The following ASCC3 variants were observed in gnomAD, a reference collection of about 807,000 sequenced individuals.
The protein encoded by ASCC3 is activating signal cointegrator 1 complex subunit 3, also known as ASC-1 complex subunit P200.
A neutral mutation model predicts 256.3 loss-of-function variants in ASCC3; 158 were observed. The observed-to-expected ratio is 0.62, with a 90% CI of 0.54 to 0.70. The LOEUF is 0.70. ASCC3 is among the 30% of genes least tolerant of loss of function. The pLI is 0.00. For missense variants in ASCC3, 2,259 were observed against 2,626.0 expected, an observed-to-expected ratio of 0.86 and a Z score of 3.05; for synonymous variants, 948 against 883.4, an observed-to-expected ratio of 1.07 and a Z score of -1.30.
intron 4 of ASCC3, among the ~76,000 whole-genome samples, chr6:100,829,823 TAATAA>T (rs1407893176): frequency 6.6e-6 from 1 of 152,064 alleles, no homozygotes; most frequent in African/African-American, 2.4e-5. Context: ...TCAACAACAA[TAATAA>T]AATAGAATAA....
At chr6:100,564,906 T>C (rs781049764) in intron 36 of ASCC3, among the ~76,000 whole-genome samples, 1 of 152,148 alleles carries the variant, frequency 6.6e-6, no homozygotes, top group Non-Finnish European at 1.5e-5. Flanking sequence ...TAAATGGACA[T>C]TTAGTCCCTC....
At chr6:100,549,035 T>C (rs1437261310) in intron 36 of ASCC3, among the ~76,000 whole-genome samples, 1 of 151,922 alleles carries the variant, frequency 6.6e-6, no homozygotes, top group African/African-American at 2.4e-5. Context: ...CCTCTTTCTC[T>C]CTCAAAATAC....
At chr6:100,721,881 G>A (rs186717414) in intron 11 of ASCC3, among the ~76,000 whole-genome samples, 3 of 151,412 alleles carry the variant, frequency 2.0e-5, no homozygotes, top group South Asian at 2.1e-4. Flanking sequence ...AGTTGCTTTC[G>A]GGGACTTAGC....
At chr6:100,869,180 C>T (rs1304403663) in intron 1 of ASCC3, among the ~76,000 whole-genome samples, 2 of 152,132 alleles carry the variant, frequency 1.3e-5, no homozygotes, top group Non-Finnish European at 1.5e-5. Flanking sequence ...CTGATTTCTA[C>T]TGGATAGAGG....
intron 37 of ASCC3, among the ~76,000 whole-genome samples, chr6:100,535,417 A>G (rs543929894): frequency 9.3e-5 from 14 of 150,650 alleles, no homozygotes; most frequent in African/African-American, 3.2e-4. Context: ...ACAATTTTGT[A>G]GAGAACTTCC....
At chr6:100,811,022 C>T (rs1358505748) in intron 4 of ASCC3, among the ~76,000 whole-genome samples, 1 of 152,016 alleles carries the variant, frequency 6.6e-6, no homozygotes, top group Non-Finnish European at 1.5e-5. Context: ...GGCGGGGTGG[C>T]AAGAGGAGGA....
intron 16 of ASCC3, among the ~76,000 whole-genome samples, chr6:100,657,046 T>A (rs35437548): frequency 0.019 from 2,928 of 151,384 alleles, 93 homozygotes; most frequent in African/African-American, 0.067. Context: ...GTATAACTAA[T>A]TTCATGAAAT....
intron 36 of ASCC3, among the ~76,000 whole-genome samples, chr6:100,562,913 C>A (rs555440040): frequency 2.2e-4 from 33 of 152,074 alleles, no homozygotes; most frequent in Non-Finnish European, 3.7e-4. Flanking sequence ...TATGTATTAT[C>A]CTTTTTGAAT....
At chr6:100,756,612 T>C (rs566840161) in intron 10 of ASCC3, among the ~76,000 whole-genome samples, 47 of 152,240 alleles carry the variant, frequency 3.1e-4, no homozygotes, top group Non-Finnish European at 5.4e-4. Flanking sequence ...ACGTTATACA[T>C]GTATATACAC....
At chr6:100,807,027 T>C (rs867158807) in intron 4 of ASCC3, among the ~76,000 whole-genome samples, 110 of 152,012 alleles carry the variant, frequency 7.2e-4, no homozygotes, top group African/African-American at 2.6e-3. Flanking sequence ...AATAGTAGTG[T>C]TTTCTAAAAT....
At chr6:100,758,863 G>A (rs552365215) in intron 10 of ASCC3, among the ~76,000 whole-genome samples, 9 of 152,242 alleles carry the variant, frequency 5.9e-5, no homozygotes, top group East Asian at 1.9e-4. Flanking sequence ...CACCAACAGC[G>A]TAAAAGCATT....
intron 36 of ASCC3, among the ~76,000 whole-genome samples, chr6:100,549,259 G>A (rs1238410264): frequency 6.6e-6 from 1 of 151,932 alleles, no homozygotes; most frequent in Non-Finnish European, 1.5e-5. Flanking sequence ...ATATTATTTG[G>A]AACATTCTGT....
At chr6:100,642,819 T>TA in intron 23 of ASCC3, 70 bp from the exon 24 acceptor site, 1 of 1,332,082 alleles carries the variant, frequency 7.5e-7, no homozygotes, top group Non-Finnish European at 1.1e-6. Flanking sequence ...AGTCTATTGT[T>TA]AAGATAACGG....
chr6:100,584,813 T>G (rs1289917801), intron 36 of ASCC3, among the ~76,000 whole-genome samples: 1 of 152,176 alleles, frequency 6.6e-6, no homozygotes, highest in African/African-American at 2.4e-5. Context: ...TGCTTGTCTG[T>G]AAAGTATTTT....
intron 36 of ASCC3, among the ~76,000 whole-genome samples, chr6:100,582,686 C>T (rs1244920951): frequency 1.3e-5 from 2 of 151,462 alleles, no homozygotes; most frequent in African/African-American, 2.4e-5. Flanking sequence ...GGAATGCTTC[C>T]AGTTTTTGCC....
intron 30 of ASCC3, among the ~76,000 whole-genome samples, chr6:100,623,167 GGAT>G (rs1334699863): frequency 1.3e-5 from 2 of 151,778 alleles, no homozygotes; most frequent in African/African-American, 4.8e-5. Flanking sequence ...AGACACAACA[GGAT>G]GATTATTCAG....
At chr6:100,582,462 C>T (rs1771346671) in intron 36 of ASCC3, among the ~76,000 whole-genome samples, 1 of 151,336 alleles carries the variant, frequency 6.6e-6, no homozygotes. Context: ...GCTGAAGTTG[C>T]TTATCAGCTG....
chr6:100,510,807 A>T (rs1227706452), intron 40 of ASCC3, among the ~76,000 whole-genome samples: 4 of 152,200 alleles, frequency 2.6e-5, no homozygotes, highest in Non-Finnish European at 5.9e-5. Flanking sequence ...AAAATGCAAG[A>T]TTATTCTAAT....
chr6:100,538,149 T>C (rs1775260144), intron 37 of ASCC3, among the ~76,000 whole-genome samples: 1 of 152,066 alleles, frequency 6.6e-6, no homozygotes, highest in South Asian at 2.1e-4. Flanking sequence ...TCTGCAAATA[T>C]AAAAATTTAA....
Sources: gnomAD v4.1 joint callset for allele counts (sites outside exome capture counted in the v4.1 genomes callset) on GRCh38, gnomAD v4.1.1 for gene constraint, MANE v1.5 for transcripts, NCBI Gene and HGNC (gene_info 2026-07-23, HGNC 2026-07-21) for gene names.